CRACD: variants seen among roughly 807,000 people sequenced by gnomAD.
CRACD encodes the protein capping protein inhibiting regulator of actin dynamics.
Under a neutral mutation model 106.8 loss-of-function variants are expected in CRACD, and 56 were observed. That is an observed-to-expected ratio of 0.52 (90% CI 0.42 to 0.66). The LOEUF is 0.66. Among genes scored for constraint, CRACD ranks in the 30% least tolerant of loss-of-function variants. CRACD has a pLI of 0.00. For missense variants in CRACD, 1,730 were observed against 1,623.2 expected (o/e 1.07, Z -1.13); for synonymous variants, 754 against 670.8 (o/e 1.12, Z -1.92).
intron 1 of CRACD, among the ~76,000 whole-genome samples, chr4:56,141,434 A>G (rs1297604939): frequency 6.6e-6 from 1 of 152,038 alleles, no homozygotes; most frequent in African/African-American, 2.4e-5. Flanking sequence ...AAGGTTCCTT[A>G]AAGATTATCT....
intron 1 of CRACD, among the ~76,000 whole-genome samples, chr4:56,134,106 T>C (rs1577684063): frequency 6.6e-6 from 1 of 151,162 alleles, no homozygotes; most frequent in Non-Finnish European, 1.5e-5. Context: ...GAGGCTGAGG[T>C]GGGAGGATCA....
Position 56,316,707 on chromosome 4 carries a change from G to A in CRACD, c.3187+18G>A. 1 of 1,589,230 alleles carries A rather than the reference G, an allele frequency of 6.3e-7. No homozygotes were observed. Among genetic ancestry groups the A allele is most frequent in the Non-Finnish European group, 8.6e-7 (1 of 1,164,842 alleles). ...GAGGAAAGGTAGGTAGCTGCAGGGT[G>A]GGTAACTGCTGCCAGCCGAGGTGTC... On this transcript the variant is annotated intron_variant, in intron 8 of 10. Transcript: ENST00000682029.
chr4:56,107,347 C>G (rs369138366), intron 1 of CRACD, among the ~76,000 whole-genome samples: 1 of 152,066 alleles, frequency 6.6e-6, no homozygotes, highest in African/African-American at 2.4e-5. Context: ...TCATGTTCCC[C>G]CTCTGTGTAA....
At chr4:56,117,788 C>T (rs1734342567) in intron 1 of CRACD, among the ~76,000 whole-genome samples, 1 of 152,120 alleles carries the variant, frequency 6.6e-6, no homozygotes, top group Non-Finnish European at 1.5e-5. Flanking sequence ...GACAGAGTCT[C>T]GCTCTGCTAC....
chr4:56,294,315 G>C (rs1302677492), intron 3 of CRACD, among the ~76,000 whole-genome samples: 1 of 151,070 alleles, frequency 6.6e-6, no homozygotes, highest in African/African-American at 2.4e-5. Context: ...ATAAAAATAA[G>C]TTACATTTTA....
intron 1 of CRACD, among the ~76,000 whole-genome samples, chr4:56,075,614 C>T (rs187024335): frequency 6.6e-6 from 1 of 152,242 alleles, no homozygotes; most frequent in African/African-American, 2.4e-5. Flanking sequence ...CTCCTGGTTA[C>T]TCCCTCCCCC....
chr4:56,236,934 A>T (rs918419556), intron 2 of CRACD, among the ~76,000 whole-genome samples: 1 of 152,196 alleles, frequency 6.6e-6, no homozygotes, highest in Non-Finnish European at 1.5e-5. Flanking sequence ...GAGAAATCTC[A>T]TGCATCACTT....
At chr4:56,280,166 A>G (rs1438698171) in intron 3 of CRACD, among the ~76,000 whole-genome samples, 3 of 124,836 alleles carry the variant, frequency 2.4e-5, no homozygotes, top group Non-Finnish European at 3.3e-5. Flanking sequence ...GGGGGGAGGG[A>G]TAGCATTAGG....
Position 56,329,672 on chromosome 4 carries a change from G to A in CRACD, c.*1868G>A, listed in dbSNP as rs1195646375. Among the ~76,000 whole-genome samples, 1 of 152,082 alleles carries A rather than the reference G, an allele frequency of 6.6e-6. No homozygotes were observed. The highest frequency in any genetic ancestry group is 2.4e-5 in the African/African-American group (1 of 41,410). On this transcript the variant is annotated 3_prime_UTR_variant, in exon 11 of 11. Transcript: ENST00000682029. ...GTTCATTTCTAAATCTTATATGTAG[G>A]CATTTGTTAGTTCCAATGATTTCCT...
At position 56,192,449 on chromosome 4, in the gene CRACD, A is replaced by G. The variant is rs372378861; in HGVS notation, c.-189+13019A>G. Among the ~76,000 whole-genome samples the G allele has an allele frequency of 2.8e-4, 42 of 152,266 alleles. 1 individual carries two copies. The highest frequency in any genetic ancestry group is 1.0e-3 in the African/African-American group (42 of 41,550). On this transcript the variant is annotated intron_variant, in intron 2 of 10. Transcript: ENST00000682029. ...GGGAATTTTAACTTTTAACAATGTC[A>G]TATCCAGTGCCCAACAGATTTCAGC...
At chr4:56,202,266 G>T (rs892869613) in intron 2 of CRACD, among the ~76,000 whole-genome samples, 4 of 151,568 alleles carry the variant, frequency 2.6e-5, no homozygotes, top group Admixed American at 6.6e-5. Context: ...CTTTTTTTTA[G>T]ACGGAGTCTC....
intron 1 of CRACD, among the ~76,000 whole-genome samples, chr4:56,097,664 A>G (rs1237281168): frequency 1.3e-5 from 2 of 152,182 alleles, no homozygotes; most frequent in East Asian, 1.9e-4. Flanking sequence ...ATGATAGACT[A>G]TGGATCTAAG....
rs201702629 is a variant in CRACD at position 56,121,459 on chromosome 4, C to T, written c.-335-57825C>T. Among the ~76,000 whole-genome samples the T allele has an allele frequency of 3.3e-5, 5 of 152,228 alleles. No homozygotes were observed. In the East Asian group the frequency reaches 7.7e-4, roughly 24 times the overall value. On this transcript the variant is annotated intron_variant, in intron 1 of 10. Transcript: ENST00000682029. ...AGGAGTTTGAGACCAGCCTGGCCAA[C>T]ATGGTGAAACCCCATCTCTACTAAA...
intron 2 of CRACD, among the ~76,000 whole-genome samples, chr4:56,224,972 A>C (rs17086470): frequency 0.076 from 11,526 of 152,262 alleles, 1,435 homozygotes; most frequent in African/African-American, 0.26. Context: ...AGAGGATACA[A>C]GCCTTAGCCC....
intron 2 of CRACD, among the ~76,000 whole-genome samples, chr4:56,252,215 C>T (rs1180463696): frequency 2.0e-5 from 3 of 152,164 alleles, no homozygotes; most frequent in African/African-American, 7.2e-5. Context: ...CTGGGCTTTA[C>T]ATACCCTCAA....
intron 2 of CRACD, among the ~76,000 whole-genome samples, chr4:56,261,507 C>T (rs1267358950): frequency 5.9e-5 from 9 of 152,066 alleles, no homozygotes; most frequent in East Asian, 3.9e-4. Context: ...CCCACCACCA[C>T]GCCCAGCTAA....
intron 2 of CRACD, among the ~76,000 whole-genome samples, chr4:56,267,867 T>A (rs1215889169): frequency 6.6e-6 from 1 of 152,216 alleles, no homozygotes; most frequent in Non-Finnish European, 1.5e-5. Context: ...AGTCTTCAAG[T>A]AGGCTAGCTC....
At chr4:56,108,110 C>G (rs927474835) in intron 1 of CRACD, among the ~76,000 whole-genome samples, 3 of 152,176 alleles carry the variant, frequency 2.0e-5, no homozygotes, top group African/African-American at 7.2e-5. Context: ...TAATCCAGAG[C>G]AGTTACTTTT....
chr4:56,122,607 G>A (rs1022975048), intron 1 of CRACD, among the ~76,000 whole-genome samples: 1 of 152,140 alleles, frequency 6.6e-6, no homozygotes, highest in Non-Finnish European at 1.5e-5. Flanking sequence ...TTTCATGGAT[G>A]CACTTATCTC....
Sources: gnomAD v4.1 joint callset for allele counts (sites outside exome capture counted in the v4.1 genomes callset) on GRCh38, gnomAD v4.1.1 for gene constraint, MANE v1.5 for transcripts, NCBI Gene and HGNC (gene_info 2026-07-23, HGNC 2026-07-21) for gene names.